ASCC3: variants seen among roughly 807,000 people sequenced by gnomAD.
ASCC3 encodes activating signal cointegrator 1 complex subunit 3.
Under a neutral mutation model 256.3 loss-of-function variants are expected in ASCC3, and 158 were observed. The ratio of observed to expected loss-of-function variants is 0.62; its 90% CI spans 0.54 to 0.70. The LOEUF (loss-of-function observed/expected upper bound fraction) is 0.70. ASCC3 is among the 30% of genes least tolerant of loss of function. The probability of loss-of-function intolerance (pLI) is 0.00; values close to 1 mark genes in which losing one functional copy is unlikely to be tolerated. For synonymous variants in ASCC3, 948 were observed against 883.4 expected (o/e 1.07, Z -1.30); for missense variants, 2,259 against 2,626.0 (o/e 0.86, Z 3.05).
chr6:100,708,959 G>A (rs1409520277), intron 13 of ASCC3, among the ~76,000 whole-genome samples: 1 of 148,280 alleles, frequency 6.7e-6, no homozygotes, highest in African/African-American at 2.5e-5. Flanking sequence ...TGCCAATTAA[G>A]AAAAAACTTC....
At position 100,651,641 on chromosome 6, in the gene ASCC3, A is replaced by G. The variant is rs769752552; in HGVS notation, c.2994T>C (p.Phe998=). 5.1e-6 allele frequency: 8 copies of G among 1,559,114 alleles called. No homozygotes were observed. The highest frequency in any genetic ancestry group is 6.1e-6 in the Non-Finnish European group (7 of 1,143,160). ...YYIKYNTIET[F]NELFDAHKTE... ...TTTTGTGAGCATCAAAGAGTTCATT[A>G]AAGGTCTACCAAAGTAAGTGTTATA... Residue 998 remains phenylalanine (F), a synonymous_variant, in exon 19 of 42, where the codon TTT becomes TTC. Coordinates refer to ENST00000369162, the MANE Select transcript of ASCC3 (RefSeq NM_006828.4).
At chr6:100,724,959 T>G (rs1779556353) in intron 11 of ASCC3, among the ~76,000 whole-genome samples, 1 of 151,994 alleles carries the variant, frequency 6.6e-6, no homozygotes, top group South Asian at 2.1e-4. Context: ...TCCAGCAATA[T>G]TTCCCACTAG....
intron 5 of ASCC3, 114 bp downstream of exon 5, chr6:100,805,646 T>A: frequency 8.1e-7 from 1 of 1,228,826 alleles, no homozygotes; most frequent in Non-Finnish European, 1.1e-6. Flanking sequence ...CAGAGTAATA[T>A]CAGTAAATTA....
At chr6:100,603,891 C>G (rs1391106688) in intron 33 of ASCC3, among the ~76,000 whole-genome samples, 1 of 151,846 alleles carries the variant, frequency 6.6e-6, no homozygotes, top group African/African-American at 2.4e-5. Context: ...TTGTTATATT[C>G]CCTTCTCGTA....
chr6:100,620,148 T>C (rs1773874709), intron 30 of ASCC3, among the ~76,000 whole-genome samples: 1 of 152,160 alleles, frequency 6.6e-6, no homozygotes, highest in African/African-American at 2.4e-5. Context: ...GATTCCTTTT[T>C]TCTGCTGCAT....
At chr6:100,840,488 CTTTTTTTTTTT>C (rs67554743) in intron 4 of ASCC3, among the ~76,000 whole-genome samples, 50,974 of 109,306 alleles carry the variant, frequency 0.47, 10,726 homozygotes, top group Middle Eastern at 0.61. Context: ...CCACGCCAGG[CTTTTTTTTTTT>C]TTTTTTTTTT....
In ASCC3 at chr6:100,782,570, C is replaced by G. The variant is rs559372225; in HGVS notation, c.1396-15225G>C. ...TTTTAAAAATGTATCCAAAAATATA[C>G]TTACACATGTGCAAAATTGTGTATG... On this transcript the variant is annotated intron_variant, in intron 8 of 41. Coordinates refer to ENST00000369162, the MANE Select transcript of ASCC3 (RefSeq NM_006828.4). Among the ~76,000 whole-genome samples the G allele has an allele frequency of 7.2e-5, 11 of 152,222 alleles. No homozygotes were observed. The South Asian group carries it at 2.3e-3, about 32-fold the overall frequency.
intron 2 of ASCC3, 111 bp from the exon 3 acceptor site, chr6:100,864,325 A>AT: frequency 1.0e-6 from 1 of 971,544 alleles, no homozygotes; most frequent in Non-Finnish European, 1.5e-6. Context: ...ACCCACAAGA[A>AT]TTCAAAGTTG....
At chr6:100,863,104 A>G (rs1773305752) in intron 3 of ASCC3, among the ~76,000 whole-genome samples, 1 of 152,210 alleles carries the variant, frequency 6.6e-6, no homozygotes, top group South Asian at 2.1e-4. Flanking sequence ...ATAGTTGCAA[A>G]CCTGCTAAAT....
At chr6:100,723,804 A>T (rs1779457273) in intron 11 of ASCC3, among the ~76,000 whole-genome samples, 2 of 147,176 alleles carry the variant, frequency 1.4e-5, no homozygotes, top group South Asian at 4.3e-4. Flanking sequence ...TGTTTATGGG[A>T]TATCAGAGTA....
At chr6:100,648,341 C>G (rs1319913107) in intron 20 of ASCC3, among the ~76,000 whole-genome samples, 1 of 151,992 alleles carries the variant, frequency 6.6e-6, no homozygotes, top group Non-Finnish European at 1.5e-5. Context: ...TGAACTTATA[C>G]CTTCCAAAAT....
intron 4 of ASCC3, among the ~76,000 whole-genome samples, chr6:100,818,552 G>A (rs139649603): frequency 7.0e-6 from 1 of 143,450 alleles, no homozygotes; most frequent in Non-Finnish European, 1.5e-5. Context: ...CTGGATGACA[G>A]GGCAAGACTC....
chr6:100,875,391 G>T (rs1374977533), intron 1 of ASCC3, among the ~76,000 whole-genome samples: 1 of 152,152 alleles, frequency 6.6e-6, no homozygotes, highest in Non-Finnish European at 1.5e-5. Context: ...TATCAAGTGG[G>T]GCATATGGTT....
Position 100,548,452 on chromosome 6 carries a change from T to A in ASCC3, c.5551-8065A>T, listed in dbSNP as rs1173558782. Among the ~76,000 whole-genome samples the A allele has an allele frequency of 3.9e-5, 6 of 151,918 alleles. 1 individual carries two copies. Among genetic ancestry groups the A allele is most frequent in the Non-Finnish European group, 8.8e-5 (6 of 67,872 alleles). ...AATCCTTATGAAAAAATTTAGACTA[T>A]ATTAATAGGAAACTTCCTATATCAA... On this transcript the variant is annotated intron_variant, in intron 36 of 41. Coordinates refer to ENST00000369162, the MANE Select transcript of ASCC3 (RefSeq NM_006828.4).
At chr6:100,533,992 CAG>C in intron 37 of ASCC3, among the ~76,000 whole-genome samples, 1 of 152,292 alleles carries the variant, frequency 6.6e-6, no homozygotes, top group South Asian at 2.1e-4. Context: ...TGATAAAAAA[CAG>C]TGTCAGGGCT....
intron 36 of ASCC3, among the ~76,000 whole-genome samples, chr6:100,579,292 T>G (rs1049807592): frequency 3.9e-5 from 6 of 152,042 alleles, no homozygotes; most frequent in African/African-American, 1.4e-4. Flanking sequence ...TTCTGTAGGC[T>G]GTCTGTTTAC....
chr6:100,625,174 A>T lies in ASCC3; in HGVS notation c.4785+18T>A, dbSNP rs771434805. On this transcript the variant is annotated intron_variant, in intron 30 of 41. Coordinates refer to ENST00000369162, the MANE Select transcript of ASCC3 (RefSeq NM_006828.4). ...ACCTGAAACGTGTAAGTAGTAGAAG[A>T]TAAAATATGTTGCTTACCTCTCTTT... The T allele has an allele frequency of 6.2e-7, 1 of 1,611,856 alleles. No homozygotes were observed. The highest frequency in any genetic ancestry group is 2.2e-5 in the East Asian group (1 of 44,794).
intron 13 of ASCC3, among the ~76,000 whole-genome samples, chr6:100,707,773 T>C (rs902337314): frequency 6.6e-6 from 1 of 152,096 alleles, no homozygotes; most frequent in Non-Finnish European, 1.5e-5. Flanking sequence ...AGACAAAGCA[T>C]TGTCCAGCTA....
intron 14 of ASCC3, among the ~76,000 whole-genome samples, chr6:100,674,716 T>G (rs1239873525): frequency 2.0e-5 from 3 of 147,720 alleles, no homozygotes; most frequent in African/African-American, 5.0e-5. Flanking sequence ...CACTGCAACC[T>G]CCGCCTCCCA....
Sources: allele counts gnomAD v4.1 joint callset (sites outside exome capture counted in the v4.1 genomes callset), GRCh38; gene constraint gnomAD v4.1.1; transcripts MANE v1.5; gene names NCBI Gene and HGNC (gene_info 2026-07-23, HGNC 2026-07-21).